Variants in DPP4 observed in about 807,000 individuals in gnomAD.
The protein encoded by DPP4 is dipeptidyl peptidase 4, also known as ADCP-2.
Under a neutral mutation model 122.4 loss-of-function variants are expected in DPP4, and 93 were observed. That is an observed-to-expected ratio of 0.76 (90% CI 0.64 to 0.90). DPP4 has a LOEUF of 0.90. Ranked by LOEUF, DPP4 falls within the 40% of genes least tolerant of loss-of-function variation. The pLI is 0.00. For missense variants in DPP4, 914 were observed against 907.3 expected (o/e 1.01, Z -0.09); for synonymous variants, 321 against 302.9 (o/e 1.06, Z -0.62).
intron 13 of DPP4, 35 bp downstream of exon 13, chr2:162,020,546 G>A (rs1228106299): frequency 2.0e-6 from 3 of 1,495,684 alleles, no homozygotes; most frequent in South Asian, 2.5e-5. Context: ...AAAAAAAAGA[G>A]GTCAACATGA....
At position 161,993,009 on chromosome 2, in the gene DPP4, T is replaced by C; in HGVS notation, c.*274A>G. On this transcript the variant is annotated 3_prime_UTR_variant, in exon 26 of 26. Coordinates refer to ENST00000360534, the MANE Select transcript of DPP4 (RefSeq NM_001935.4). ...CTATGCAAAGCCTCCATAAAAACAA[T>C]TCCTATTTGTTGTTTCAGCAGCTGA... 3.0e-6 allele frequency: 1 copy of C among 334,382 alleles called. No individual in the cohort carries two copies. The highest frequency in any genetic ancestry group is 5.6e-6 in the Non-Finnish European group (1 of 177,442). 20.7% of individuals were successfully genotyped at this position (334,382 alleles called of 1,614,324 possible). A position where few individuals can be genotyped will look rare whatever the true frequency, so the allele number is the denominator to read the frequency against.
intron 10 of DPP4, among the ~76,000 whole-genome samples, chr2:162,025,860 G>C (rs2106108616): frequency 6.6e-6 from 1 of 152,182 alleles, no homozygotes; most frequent in East Asian, 1.9e-4. Flanking sequence ...TCTGGTGGCT[G>C]TATCTCCTCC....
chr2:162,040,296 G>A (rs1281815900), intron 5 of DPP4, among the ~76,000 whole-genome samples: 2 of 152,082 alleles, frequency 1.3e-5, no homozygotes, highest in Non-Finnish European at 2.9e-5. Context: ...CCAAAACTGG[G>A]AGGCAACTAA....
chr2:162,036,099 T>A (rs769819032), intron 8 of DPP4, among the ~76,000 whole-genome samples: 1 of 152,190 alleles, frequency 6.6e-6, no homozygotes, highest in Non-Finnish European at 1.5e-5. Flanking sequence ...TCACTGGCTC[T>A]TAATATGTTG....
At chr2:162,032,207 G>A (rs1304114266) in intron 10 of DPP4, 1 of 152,154 alleles carries the variant, frequency 6.6e-6, no homozygotes, top group Non-Finnish European at 1.5e-5. Context: ...CAGAAAGTCA[G>A]GTTTGAATAT....
chr2:162,021,201 T>C (rs1047747659), intron 12 of DPP4, among the ~76,000 whole-genome samples: 2 of 152,246 alleles, frequency 1.3e-5, no homozygotes, highest in African/African-American at 4.8e-5. Flanking sequence ...TAACCATTTC[T>C]GGACTACATA....
chr2:162,003,416 G>A (rs1701202376), intron 23 of DPP4, among the ~76,000 whole-genome samples: 1 of 152,150 alleles, frequency 6.6e-6, no homozygotes, highest in South Asian at 2.1e-4. Flanking sequence ...TATAGGGAGG[G>A]CTGGATGAAG....
intron 10 of DPP4, among the ~76,000 whole-genome samples, chr2:162,027,104 C>T (rs1683358585): frequency 6.6e-6 from 1 of 152,106 alleles, no homozygotes; most frequent in Non-Finnish European, 1.5e-5. Context: ...TTCCCAACCA[C>T]TTAAAAATGT....
At chr2:162,024,569 T>C (rs781250468) in intron 11 of DPP4, among the ~76,000 whole-genome samples, 1 of 152,198 alleles carries the variant, frequency 6.6e-6, no homozygotes. Flanking sequence ...TCCCAAGTGA[T>C]AGTATCCATA....
In DPP4 at chr2:162,016,874, AATACAG is replaced by A; in HGVS notation, c.1469-14_1469-9del. ...CTTCCAGGACTCTCAGCCCTAAAGAAATACAGGAGACAGCAGTCATTCATTACAATG... is the reference window on the plus strand; with the variant it reads ...CTTCCAGGACTCTCAGCCCTAAAGAAGAGACAGCAGTCATTCATTACAATG... On this transcript the variant is annotated splice_polypyrimidine_tract_variant and intron_variant, in intron 17 of 25. Transcript: ENST00000360534. 1 of 1,603,178 alleles carries A rather than the reference AATACAG, an allele frequency of 6.2e-7. No homozygotes were observed. The highest frequency in any genetic ancestry group is 8.5e-7 in the Non-Finnish European group (1 of 1,176,262).
chr2:162,028,697 A>AT (rs1194590551), intron 10 of DPP4, among the ~76,000 whole-genome samples: 1 of 152,214 alleles, frequency 6.6e-6, no homozygotes, highest in Admixed American at 6.5e-5. Context: ...TGACGGAGTA[A>AT]TTTCTGGATG....
At chr2:162,034,547 C>T (rs1490808781) in intron 9 of DPP4, among the ~76,000 whole-genome samples, 2 of 152,154 alleles carry the variant, frequency 1.3e-5, no homozygotes, top group South Asian at 2.1e-4. Context: ...ATTATTATTA[C>T]GGTACTAGTG....
Position 162,018,867 on chromosome 2 carries a change from G to A in DPP4, c.1299-17C>T, listed in dbSNP as rs764514111. 1 of 1,612,770 alleles carries A rather than the reference G, an allele frequency of 6.2e-7. No individual in the cohort carries two copies. ...AGTTGGATTCTGTAAAACCAACGGT[G>A]GAAATTAAGTGCTTGAAGAAAAGAT... On this transcript the variant is annotated splice_polypyrimidine_tract_variant and intron_variant, in intron 15 of 25. Transcript: ENST00000360534.
In DPP4 at chr2:162,009,245, C is replaced by A. The variant is rs1559707154; in HGVS notation, c.1883G>T (p.Gly628Val). 6.2e-6 allele frequency: 10 copies of A among 1,613,718 alleles called. No individual in the cohort carries two copies. Among genetic ancestry groups the A allele is most frequent in the Non-Finnish European group, 8.5e-6 (10 of 1,179,754 alleles). The part of the protein sequence containing the change: ...FVDNKRIAIW[G>V]WSYGGYVTSM... ...ATTCATCAGTCAACTACTCACCCAGCCCCAAATTGCAATTCGTTTGTTGTC... is the reference window on the plus strand; with the variant it reads ...ATTCATCAGTCAACTACTCACCCAGACCCAAATTGCAATTCGTTTGTTGTC... Residue 628 changes from glycine to valine, a missense_variant, in exon 21 of 26, where the codon GGC becomes GTC. Gly to Val is a moderately radical substitution (Grantham distance 109). Coordinates refer to ENST00000360534, the MANE Select transcript of DPP4 (RefSeq NM_001935.4).
At chr2:162,009,159 A>G in intron 21 of DPP4, 82 bp downstream of exon 21, 1 of 1,390,574 alleles carries the variant, frequency 7.2e-7, no homozygotes, top group East Asian at 2.3e-5. Flanking sequence ...ACCTCCAAAT[A>G]TGTATATACA....
intron 10 of DPP4, among the ~76,000 whole-genome samples, chr2:162,031,801 G>T (rs183198445): frequency 2.0e-5 from 3 of 152,194 alleles, no homozygotes; most frequent in Non-Finnish European, 2.9e-5. Context: ...GATGATAAGC[G>T]CTACAAGGGC....
At chr2:162,019,389 C>G in intron 14 of DPP4, 113 bp from the exon 15 acceptor site, 2 of 657,362 alleles carry the variant, frequency 3.0e-6, no homozygotes, top group South Asian at 4.6e-5. Flanking sequence ...CGCACGGGTG[C>G]CCGCCGCCCT....
chr2:162,073,787 TAGCAGAAGCCAGGGTCC>T, intron 1 of DPP4, among the ~76,000 whole-genome samples, 172 bp downstream of exon 1: 1 of 84,142 alleles, frequency 1.2e-5, no homozygotes, highest in Non-Finnish European at 2.8e-5. Context: ...GCCAGGGTCC[TAGCAGAAGCCAGGGTCC>T]GAAAGCTAAG....
intron 2 of DPP4, among the ~76,000 whole-genome samples, chr2:162,054,575 T>C (rs1684501037): frequency 1.3e-5 from 2 of 152,154 alleles, no homozygotes; most frequent in Admixed American, 1.3e-4. Flanking sequence ...GATTAAGTCA[T>C]GAGGGCTCCC....
Sources: allele counts gnomAD v4.1 joint callset (sites outside exome capture counted in the v4.1 genomes callset), GRCh38; gene constraint gnomAD v4.1.1; transcripts MANE v1.5; gene names NCBI Gene and HGNC (gene_info 2026-07-23, HGNC 2026-07-21).